The following SLC35D4 variants were observed in gnomAD, a reference collection of about 807,000 sequenced individuals.
SLC35D4 encodes the protein UDP-N-acetylglucosamine transporter SLC35D4.
At chr18:23,310,340 G>T in the SLC35D4 span, 3 of 897,218 alleles carry the variant, frequency 3.3e-6, no homozygotes, top group East Asian at 1.2e-4. Context: ...GGAGAGGGAA[G>T]AGGTTACCTC....
the SLC35D4 span, among the ~76,000 whole-genome samples, chr18:23,281,051 G>A: frequency 7.2e-5 from 11 of 151,986 alleles, no homozygotes; most frequent in South Asian, 2.1e-4. Flanking sequence ...GCACAATCCC[G>A]TGCATATGAA....
the SLC35D4 span, among the ~76,000 whole-genome samples, chr18:23,320,487 T>A: frequency 6.6e-6 from 1 of 152,232 alleles, no homozygotes; most frequent in South Asian, 2.1e-4. Flanking sequence ...GTTCCTATTA[T>A]CTTTCCCCAC....
chr18:23,411,977 G>C, the SLC35D4 span, among the ~76,000 whole-genome samples: 1 of 152,184 alleles, frequency 6.6e-6, no homozygotes. Context: ...AAAATTCTAT[G>C]TTACACTGAC....
At chr18:23,319,252 A>C in the SLC35D4 span, among the ~76,000 whole-genome samples, 2 of 42,322 alleles carry the variant, frequency 4.7e-5, no homozygotes, top group South Asian at 6.4e-4. Flanking sequence ...TGCTTTATTT[A>C]TTTATTTATT....
At chr18:23,291,884 G>A in the SLC35D4 span, among the ~76,000 whole-genome samples, 14 of 152,210 alleles carry the variant, frequency 9.2e-5, no homozygotes, top group African/African-American at 3.4e-4. Flanking sequence ...TTCTCTCCGG[G>A]CTGGGCTCAG....
the SLC35D4 span, among the ~76,000 whole-genome samples, chr18:23,418,680 A>C: frequency 6.6e-6 from 1 of 151,546 alleles, no homozygotes; most frequent in African/African-American, 2.4e-5. Flanking sequence ...TATATTCTCA[A>C]ATCTTCTCCA....
the SLC35D4 span, among the ~76,000 whole-genome samples, chr18:23,330,065 G>T: frequency 6.6e-5 from 10 of 152,136 alleles, no homozygotes. Flanking sequence ...GAGGCTGGGG[G>T]AAGGATAGCA....
chr18:23,268,549 G>A, the SLC35D4 span, among the ~76,000 whole-genome samples: 1 of 152,034 alleles, frequency 6.6e-6, no homozygotes, highest in South Asian at 2.1e-4. Context: ...AGGTTCGAGA[G>A]TCACAGCCAT....
At chr18:23,239,020 C>T in the SLC35D4 span, among the ~76,000 whole-genome samples, 1 of 152,230 alleles carries the variant, frequency 6.6e-6, no homozygotes, top group Non-Finnish European at 1.5e-5. Context: ...GGTGATAATG[C>T]CGACCTCTCC....
At chr18:23,361,180 C>T in the SLC35D4 span, among the ~76,000 whole-genome samples, 1 of 150,588 alleles carries the variant, frequency 6.6e-6, no homozygotes, top group South Asian at 2.1e-4. Flanking sequence ...AAGAATTGAG[C>T]CCTGCTGTAA....
the SLC35D4 span, among the ~76,000 whole-genome samples, chr18:23,275,577 G>A: frequency 6.7e-6 from 1 of 149,496 alleles, no homozygotes; most frequent in Admixed American, 6.6e-5. Flanking sequence ...GCCTCTTCAG[G>A]AGCTGGGTCA....
the SLC35D4 span, among the ~76,000 whole-genome samples, chr18:23,408,065 T>A: frequency 6.6e-6 from 1 of 152,098 alleles, no homozygotes; most frequent in South Asian, 2.1e-4. Flanking sequence ...TCCCACAGAA[T>A]CAGATCTCTG....
chr18:23,411,509 G>GAAAGAA, the SLC35D4 span, among the ~76,000 whole-genome samples: 3 of 149,582 alleles, frequency 2.0e-5, no homozygotes, highest in African/African-American at 7.4e-5. Context: ...AAGAAAGAAA[G>GAAAGAA]AAAGAAAGAA....
At chr18:23,349,609 C>T in the SLC35D4 span, among the ~76,000 whole-genome samples, 8 of 152,290 alleles carry the variant, frequency 5.3e-5, no homozygotes, top group African/African-American at 4.8e-5. Context: ...CCAGCCTGGG[C>T]GACAGAGCGA....
At chr18:23,414,493 C>T in the SLC35D4 span, among the ~76,000 whole-genome samples, 5 of 151,012 alleles carry the variant, frequency 3.3e-5, no homozygotes, top group Admixed American at 1.3e-4. Flanking sequence ...ACCAACATGG[C>T]GAAATCTCGT....
chr18:23,366,551 C>A, the SLC35D4 span, among the ~76,000 whole-genome samples: 1 of 152,194 alleles, frequency 6.6e-6, no homozygotes, highest in African/African-American at 2.4e-5. Context: ...GAGGTGCAGG[C>A]AATCAGTTGT....
chr18:23,309,765 C>G, the SLC35D4 span: 1 of 1,609,466 alleles, frequency 6.2e-7, no homozygotes, highest in Non-Finnish European at 8.5e-7. Context: ...AATTTCAACA[C>G]AAGGTCATCA....
chr18:23,292,707 G>A, the SLC35D4 span, among the ~76,000 whole-genome samples: 4 of 152,258 alleles, frequency 2.6e-5, no homozygotes, highest in East Asian at 7.7e-4. Context: ...GGGTGGGCCT[G>A]GAAAAGTTAC....
At chr18:23,328,818 A>G in the SLC35D4 span, among the ~76,000 whole-genome samples, 10 of 152,240 alleles carry the variant, frequency 6.6e-5, no homozygotes, top group Non-Finnish European at 1.3e-4. Context: ...CTACAAGGCT[A>G]CAGTAATCAA....
Sources: allele counts gnomAD v4.1 joint callset (sites outside exome capture counted in the v4.1 genomes callset), GRCh38; gene constraint gnomAD v4.1.1; transcripts MANE v1.5; gene names NCBI Gene and HGNC (gene_info 2026-07-23, HGNC 2026-07-21).